Variants in SNRPD1 observed in about 807,000 individuals in gnomAD.
SNRPD1 encodes the protein small nuclear ribonucleoprotein Sm D1.
A neutral mutation model predicts 14.4 loss-of-function variants in SNRPD1; 1 was observed. That is an observed-to-expected ratio of 0.07 (90% CI 0.02 to 0.33). SNRPD1 has a LOEUF of 0.33. Among genes scored for constraint, SNRPD1 ranks in the 10% least tolerant of loss-of-function variants. The pLI is 1.00. For synonymous variants in SNRPD1, 42 were observed against 50.3 expected, an observed-to-expected ratio of 0.83 and a Z score of 0.70; for missense variants, 52 against 146.4, an observed-to-expected ratio of 0.36 and a Z score of 3.33.
intron 3 of SNRPD1, among the ~76,000 whole-genome samples, chr18:21,627,434 G>GT (rs71178190): frequency 0.066 from 6,397 of 97,274 alleles, 208 homozygotes; most frequent in African/African-American, 0.097. Flanking sequence ...CTTTTCTTGG[G>GT]TTTTTTTTTT....
At chr18:21,612,467 TG>T in intron 1 of SNRPD1, 24 bp downstream of exon 1, 3 of 1,500,976 alleles carry the variant, frequency 2.0e-6, no homozygotes, top group Non-Finnish European at 2.7e-6. Flanking sequence ...CAAGCAGCTC[TG>T]GGGGCTGTGA....
intron 1 of SNRPD1, among the ~76,000 whole-genome samples, chr18:21,621,401 G>T (rs1432660609): frequency 1.3e-5 from 2 of 151,912 alleles, no homozygotes; most frequent in African/African-American, 2.4e-5. Flanking sequence ...ATGTTATTTT[G>T]TTATTTTGGC....
Position 21,623,776 on chromosome 18 carries a change from T to G in SNRPD1, c.120T>G (p.Leu40=). 1 of 1,612,146 alleles carries G rather than the reference T, an allele frequency of 6.2e-7. No homozygotes were observed. The highest frequency in any genetic ancestry group is 8.5e-7 in the Non-Finnish European group (1 of 1,179,314). ...TGVDVSMNTH[L]KAVKMTLKNR... ...TGGATGTCAGCATGAATACACATCT[T>G]AAAGCTGTGAAAATGACCCTGAAGA... The change falls in exon 3 of 4, where the codon CTT becomes CTG. Residue 40 remains leucine (L), a synonymous_variant. Transcript: ENST00000300413.
chr18:21,620,748 A>G (rs563173867), intron 1 of SNRPD1, among the ~76,000 whole-genome samples: 1 of 152,350 alleles, frequency 6.6e-6, no homozygotes, highest in East Asian at 1.9e-4. Context: ...TAAAGAAACC[A>G]TAAACAACAA....
intron 3 of SNRPD1, among the ~76,000 whole-genome samples, chr18:21,628,463 A>C (rs1403687178): frequency 1.3e-5 from 2 of 152,190 alleles, no homozygotes; most frequent in African/African-American, 4.8e-5. Flanking sequence ...AAATAAGTTT[A>C]TTTGGGTCAT....
At chr18:21,618,912 C>T (rs1042176838) in intron 1 of SNRPD1, among the ~76,000 whole-genome samples, 6 of 152,116 alleles carry the variant, frequency 3.9e-5, no homozygotes, top group African/African-American at 1.4e-4. Flanking sequence ...AGATATAGAG[C>T]TTACGATCCC....
chr18:21,627,434 GTTTTTTTTTTTTTT>G (rs71178190), intron 3 of SNRPD1, among the ~76,000 whole-genome samples: 1 of 97,346 alleles, frequency 1.0e-5, no homozygotes, highest in Admixed American at 1.2e-4. Context: ...CTTTTCTTGG[GTTTTTTTTTTTTTT>G]TTTTTTTTTG....
In SNRPD1 at chr18:21,612,355, C is replaced by G. The variant is rs1000775984; in HGVS notation, c.-75C>G. ...CCTGGAGTAGGCGCTTCCGGCCATT[C>G]ATACTGCAGTCGGTCAGTGTTCGGT... On this transcript the variant is annotated 5_prime_UTR_variant, in exon 1 of 4. Transcript: ENST00000300413. 2 of 1,220,148 alleles carry G rather than the reference C, an allele frequency of 1.6e-6. No homozygotes were observed. The highest frequency in any genetic ancestry group is 2.3e-6 in the Non-Finnish European group (2 of 885,596). 75.6% of individuals were successfully genotyped at this position (1,220,148 alleles called of 1,614,324 possible).
intron 3 of SNRPD1, among the ~76,000 whole-genome samples, chr18:21,625,723 G>T (rs930836851): frequency 2.0e-5 from 3 of 152,054 alleles, no homozygotes; most frequent in Non-Finnish European, 4.4e-5. Context: ...CCATTGTCCT[G>T]CCTCTGCCTC....
rs2039081159 is a variant in SNRPD1, at chr18:21,631,273, G to A, written c.*2135G>A. ...GCCTCCAGAGTAGCTGGGATTATAA[G>A]CGTGCGCCACCACACCCAGCTAATT... On this transcript the variant is annotated 3_prime_UTR_variant, in exon 4 of 4. Transcript: ENST00000300413. The A allele has an allele frequency of 6.6e-6, 1 of 151,606 alleles. No homozygotes were observed. Among genetic ancestry groups the A allele is most frequent in the Non-Finnish European group, 1.5e-5 (1 of 67,986 alleles). 9.4% of individuals were successfully genotyped at this position (151,606 alleles called of 1,614,324 possible).
At chr18:21,627,026 C>T (rs986177904) in intron 3 of SNRPD1, among the ~76,000 whole-genome samples, 5 of 149,852 alleles carry the variant, frequency 3.3e-5, no homozygotes, top group African/African-American at 1.2e-4. Context: ...CGGTGGCTCA[C>T]GCCTGTAACC....
chr18:21,627,040 G>A (rs1442266817), intron 3 of SNRPD1, among the ~76,000 whole-genome samples: 2 of 148,390 alleles, frequency 1.3e-5, no homozygotes, highest in Non-Finnish European at 3.0e-5. Context: ...TGTAACCCCA[G>A]CACTTTGGAA....
chr18:21,624,207 C>A (rs767993804), intron 3 of SNRPD1, among the ~76,000 whole-genome samples: 18 of 151,796 alleles, frequency 1.2e-4, no homozygotes, highest in Non-Finnish European at 8.8e-5. Context: ...GGTGAAGCCT[C>A]ATCTCTACTA....
In SNRPD1 at chr18:21,633,224, T is replaced by C. The variant is rs1444013779; in HGVS notation, c.*4086T>C. On this transcript the variant is annotated 3_prime_UTR_variant, in exon 4 of 4. Transcript: ENST00000300413. ...AAGTGAAGGAATAGAAAATGAAATA[T>C]CAGTTTCTTTTAATCTATCATAATT... 6 of 152,232 alleles carry C rather than the reference T, an allele frequency of 3.9e-5. No homozygotes were observed. The highest frequency in any genetic ancestry group is 7.3e-5 in the Non-Finnish European group (5 of 68,046). The allele number at this position is 152,232 out of a possible 1,614,324, so 9.4% of individuals were successfully genotyped here.
At position 21,631,918 on chromosome 18, in the gene SNRPD1, A is replaced by G. The variant is rs1011281075; in HGVS notation, c.*2780A>G. On this transcript the variant is annotated 3_prime_UTR_variant, in exon 4 of 4. Transcript: ENST00000300413. ...AAACAAAACCCTGCAAGAGTAGGAA[A>G]TAAACAGTTGGCTCCTGTCCTCGTG... is the stretch of plus-strand genomic sequence containing the variant. 4.1e-4 allele frequency: 62 copies of G among 152,240 alleles called. No homozygotes were observed. Among genetic ancestry groups the G allele is most frequent in the African/African-American group, 1.4e-3 (60 of 41,548 alleles). The allele number at this position is 152,240 out of a possible 1,614,324, so 9.4% of individuals were successfully genotyped here. A position where few individuals can be genotyped will look rare whatever the true frequency, so the allele number is the denominator to read the frequency against.
Position 21,623,632 on chromosome 18 carries a change from C to G in SNRPD1, c.92-116C>G, listed in dbSNP as rs529613812. On this transcript the variant is annotated intron_variant, in intron 2 of 3. Transcript: ENST00000300413. ...GCTAAATTGTGTCATAGAAAACTTG[C>G]ACTTTGTAGAAGAACAGTAATCTTT... The G allele has an allele frequency of 1.1e-4, 82 of 737,474 alleles. No individual in the cohort carries two copies. The South Asian group carries it at 1.4e-3, about 13-fold the overall frequency. The allele number at this position is 737,474 out of a possible 1,614,324, so 45.7% of individuals were successfully genotyped here.
chr18:21,626,942 T>C (rs1422407070), intron 3 of SNRPD1, among the ~76,000 whole-genome samples: 4 of 150,542 alleles, frequency 2.7e-5, no homozygotes, highest in Non-Finnish European at 5.9e-5. Flanking sequence ...CCCAAATGTT[T>C]GGATTTTTTT....
rs182142067 is a variant in SNRPD1 at position 21,620,532 on chromosome 18, A to T, written c.15-2193A>T. ...ATATTATCAAGGCAACTGGCTATTC[A>T]GTTGGGGAAAGTAATAAAGACAGAT... On this transcript the variant is annotated intron_variant, in intron 1 of 3. Transcript: ENST00000300413. Among the ~76,000 whole-genome samples the T allele has an allele frequency of 2.0e-3, 303 of 152,352 alleles. 3 individuals carry two copies. Among genetic ancestry groups the T allele is most frequent in the Non-Finnish European group, 3.0e-3 (206 of 68,026 alleles).
In SNRPD1 at chr18:21,616,048, T is replaced by C. The variant is rs561365474; in HGVS notation, c.14+3605T>C. Among the ~76,000 whole-genome samples, 7 of 152,278 alleles carry C rather than the reference T, an allele frequency of 4.6e-5. No homozygotes were observed. In the East Asian group the frequency reaches 7.7e-4, roughly 17 times the overall value. On this transcript the variant is annotated intron_variant, in intron 1 of 3. Coordinates refer to ENST00000300413, the MANE Select transcript of SNRPD1 (RefSeq NM_006938.4). ...TCACCCAGGCTGGAGTGCAGTGGCA[T>C]GATCTTGGTTCACTGCAAGCTCCGC... is the stretch of plus-strand genomic sequence containing the variant.
Sources: gnomAD v4.1 joint callset for allele counts (sites outside exome capture counted in the v4.1 genomes callset) on GRCh38, gnomAD v4.1.1 for gene constraint, MANE v1.5 for transcripts, NCBI Gene and HGNC (gene_info 2026-07-23, HGNC 2026-07-21) for gene names.